CPNE7: variants seen among roughly 807,000 people sequenced by gnomAD.
The protein encoded by CPNE7 is copine 7.
A neutral mutation model predicts 66.5 loss-of-function variants in CPNE7; 78 were observed. The observed-to-expected ratio is 1.17, with a 90% confidence interval of 0.98 to 1.42. CPNE7 has a LOEUF of 1.42. CPNE7 is among the 40% of genes most tolerant of loss of function. The probability of loss-of-function intolerance (pLI) is 0.00; values close to 1 mark genes in which losing one functional copy is unlikely to be tolerated. For missense variants in CPNE7, 1,012 were observed against 776.6 expected (o/e 1.30, Z -3.60); for synonymous variants, 468 against 336.7 (o/e 1.39, Z -4.27).
intron 1 of CPNE7, among the ~76,000 whole-genome samples, chr16:89,576,442 G>A (rs2058861205): frequency 6.6e-6 from 1 of 151,832 alleles, no homozygotes; most frequent in Non-Finnish European, 1.5e-5. Flanking sequence ...GGTGAGGGGC[G>A]CCGGCCGACG....
intron 12 of CPNE7, 31 bp from the exon 13 acceptor site, chr16:89,591,096 G>T: frequency 6.2e-7 from 1 of 1,613,372 alleles, no homozygotes. Context: ...GGGAGTGCAG[G>T]GGGGCCGGGC....
chr16:89,580,235 C>A (rs77379839), intron 2 of CPNE7, among the ~76,000 whole-genome samples: 8,041 of 15,848 alleles, frequency 0.51, 3,318 homozygotes, highest in Admixed American at 0.74. Flanking sequence ...GGAACATCTC[C>A]CCCATCACAC....
intron 9 of CPNE7, among the ~76,000 whole-genome samples, 156 bp downstream of exon 9, chr16:89,587,258 T>A (rs1597707145): frequency 4.8e-4 from 1 of 2,076 alleles, no homozygotes; most frequent in South Asian, 0.02. Flanking sequence ...TCCCGCCCCC[T>A]CAGTCTGTGG....
At chr16:89,578,253 C>T (rs1390777657) in intron 2 of CPNE7, among the ~76,000 whole-genome samples, 5 of 151,696 alleles carry the variant, frequency 3.3e-5, no homozygotes, top group Admixed American at 6.6e-5. Context: ...TCAGTAGAGA[C>T]GGGGTTTCAC....
intron 2 of CPNE7, among the ~76,000 whole-genome samples, chr16:89,582,780 G>C (rs1343875843): frequency 6.6e-6 from 1 of 152,232 alleles, no homozygotes; most frequent in Non-Finnish European, 1.5e-5. Context: ...CTACCTCATT[G>C]TGACCTCCCA....
At position 89,596,964 on chromosome 16, in the gene CPNE7, A is replaced by G. The variant is rs2059266220; in HGVS notation, c.*343A>G. ...GACTGGGGGCTCTGCTTTGCGTCTA[A>G]CCTTTGTGGGGGAGGGCCAGCAAGG... On this transcript the variant is annotated 3_prime_UTR_variant, in exon 15 of 15. Transcript: ENST00000319518. 5.1e-6 allele frequency: 1 copy of G among 196,810 alleles called. No homozygotes were observed. The highest frequency in any genetic ancestry group is 1.0e-5 in the Non-Finnish European group (1 of 98,500). 12.2% of individuals were successfully genotyped at this position (196,810 alleles called of 1,614,324 possible).
At chr16:89,586,934 G>A (rs2059050867) in intron 8 of CPNE7, 109 bp from the exon 9 acceptor site, 1 of 1,174,616 alleles carries the variant, frequency 8.5e-7, no homozygotes, top group Non-Finnish European at 1.2e-6. Context: ...GGAGAGGAGG[G>A]TGGCACCCCA....
chr16:89,578,702 G>C (rs2058899023), intron 2 of CPNE7, among the ~76,000 whole-genome samples: 1 of 150,440 alleles, frequency 6.6e-6, no homozygotes, highest in African/African-American at 2.5e-5. Flanking sequence ...AGAGGTTGCA[G>C]TGAGTGGAGA....
chr16:89,590,291 G>A (rs895540924), intron 11 of CPNE7, among the ~76,000 whole-genome samples: 6 of 152,172 alleles, frequency 3.9e-5, no homozygotes, highest in Non-Finnish European at 8.8e-5. Flanking sequence ...TTGGGAGGCC[G>A]AGGCGGGCCG....
At position 89,588,207 on chromosome 16, in the gene CPNE7, C is replaced by T. The variant is rs1288757061; in HGVS notation, c.928-468C>T. ...AGATACACGGCCCCCGTGTCACCCG[C>T]GTGTCACCCACAGATACACGGCCCC... On this transcript the variant is annotated intron_variant, in intron 9 of 14. Transcript: ENST00000319518. Among the ~76,000 whole-genome samples, 6 of 17,782 alleles carry T rather than the reference C, an allele frequency of 3.4e-4. 1 individual carries two copies. Among genetic ancestry groups the T allele is most frequent in the East Asian group, 9.4e-4 (1 of 1,068 alleles). 11.7% of individuals were successfully genotyped at this position (17,782 alleles called of 152,430 possible).
chr16:89,578,916 T>G, intron 2 of CPNE7: 1 of 1,613,816 alleles, frequency 6.2e-7, no homozygotes, highest in Non-Finnish European at 8.5e-7. Flanking sequence ...TGCTGGGCCC[T>G]GCTGGACACT....
intron 3 of CPNE7, 67 bp downstream of exon 3, chr16:89,583,838 CG>C (rs879861161): frequency 6.4e-7 from 1 of 1,570,602 alleles, no homozygotes; most frequent in Admixed American, 1.7e-5. Context: ...GTGTTGTGGG[CG>C]GAAGATGGGC....
intron 2 of CPNE7, among the ~76,000 whole-genome samples, chr16:89,582,629 T>C (rs71396930): frequency 1.3e-5 from 2 of 152,172 alleles, no homozygotes; most frequent in African/African-American, 4.8e-5. Flanking sequence ...TTCCCACCCC[T>C]TAACCTGACT....
Position 89,577,170 on chromosome 16 carries a change from AG to A in CPNE7, c.175-366del, listed in dbSNP as rs374096550. On this transcript the variant is annotated intron_variant, in intron 1 of 14. Coordinates refer to ENST00000319518, the MANE Select transcript of CPNE7 (RefSeq NM_153636.3). ...GCCCATGGTACCCCAGCCAGGAGGG[AG>A]GGCCCCCCTGTACCCTACGCCCCCT... Among the ~76,000 whole-genome samples the A allele has an allele frequency of 1.7e-3, 260 of 152,144 alleles. 1 individual carries two copies. The highest frequency in any genetic ancestry group is 5.9e-3 in the African/African-American group (247 of 41,518).
At chr16:89,586,582 TC>T (rs2059043079) in intron 7 of CPNE7, 87 bp from the exon 8 acceptor site, 1 of 1,040,616 alleles carries the variant, frequency 9.6e-7, no homozygotes, top group African/African-American at 1.6e-5. Flanking sequence ...CCCTCTGCCG[TC>T]GCTATTGGGG....
intron 1 of CPNE7, among the ~76,000 whole-genome samples, chr16:89,576,813 G>C (rs1361651916): frequency 6.6e-6 from 1 of 152,182 alleles, no homozygotes; most frequent in Non-Finnish European, 1.5e-5. Flanking sequence ...AAGGGACGCG[G>C]TCACCCGGTG....
At chr16:89,592,057 GA>G (rs1390409761) in intron 13 of CPNE7, among the ~76,000 whole-genome samples, 46 of 148,364 alleles carry the variant, frequency 3.1e-4, no homozygotes, top group Middle Eastern at 3.6e-3. Flanking sequence ...ACCCAGGCTG[GA>G]AGTGTAGTGG....
rs549014043 is a variant in CPNE7 at position 89,580,715 on chromosome 16, C to T, written c.358-2982C>T. 2.7e-5 allele frequency among the ~76,000 whole-genome samples: 4 copies of T among 146,528 alleles called. 1 individual carries two copies. Among genetic ancestry groups the T allele is most frequent in the Non-Finnish European group, 6.0e-5 (4 of 66,702 alleles). On this transcript the variant is annotated intron_variant, in intron 2 of 14. Coordinates refer to ENST00000319518, the MANE Select transcript of CPNE7 (RefSeq NM_153636.3). ...ATCTCACCTGTCACACGGAACATCC[C>T]GTCACCCGCTGACACAGAACATCTC... is the stretch of plus-strand genomic sequence containing the variant.
Position 89,586,724 on chromosome 16 carries a change from A to G in CPNE7, c.835A>G (p.Asn279Asp). 6.2e-7 allele frequency: 1 copy of G among 1,612,584 alleles called. No individual in the cohort carries two copies. The highest frequency in any genetic ancestry group is 8.5e-7 in the Non-Finnish European group (1 of 1,179,600). ...KYKQKRRSYK[N>D]SGVVVLADLK... The stretch of plus-strand genomic sequence containing the variant: ...CAAGCAGAAGAGACGCAGTTATAAG[A>G]ACTCAGGAGTGGTCGTCCTGGCTGA... The change falls in exon 8 of 15, where the codon AAC becomes GAC. Residue 279 changes from asparagine (N) to aspartate (D), a missense_variant. By Grantham distance (23) the Asn-to-Asp change is conservative. Coordinates refer to ENST00000319518, the MANE Select transcript of CPNE7 (RefSeq NM_153636.3).
Sources: gnomAD v4.1 joint callset for allele counts (sites outside exome capture counted in the v4.1 genomes callset) on GRCh38, gnomAD v4.1.1 for gene constraint, MANE v1.5 for transcripts, NCBI Gene and HGNC (gene_info 2026-07-23, HGNC 2026-07-21) for gene names.